DLGAP1: variants seen among roughly 807,000 people sequenced by gnomAD.
DLGAP1 encodes the protein DLG associated protein 1.
DLGAP1 carries 11 observed loss-of-function variants against 90.8 expected under a neutral mutation model. The observed-to-expected ratio is 0.12, with a 90% CI of 0.08 to 0.20. The LOEUF is 0.20. Among genes scored for constraint, DLGAP1 ranks in the 10% least tolerant of loss-of-function variants. The pLI is 1.00. For missense variants in DLGAP1, 1,050 were observed against 1,333.8 expected, an observed-to-expected ratio of 0.79 and a Z score of 3.31; for synonymous variants, 558 against 540.7, an observed-to-expected ratio of 1.03 and a Z score of -0.44.
At chr18:4,284,717 C>G (rs774547925) in intron 1 of DLGAP1, among the ~76,000 whole-genome samples, 1 of 152,110 alleles carries the variant, frequency 6.6e-6, no homozygotes, top group Non-Finnish European at 1.5e-5. Flanking sequence ...TCTGGAGTGC[C>G]GCCTTCACAG....
At chr18:4,320,271 C>G (rs7235361) in intron 1 of DLGAP1, among the ~76,000 whole-genome samples, 33,113 of 152,028 alleles carry the variant, frequency 0.22, 3,720 homozygotes, top group African/African-American at 0.28. Context: ...CATAACAACT[C>G]CAAATATGGA....
chr18:4,393,457 G>A (rs1417983228), intron 1 of DLGAP1, among the ~76,000 whole-genome samples: 1 of 152,130 alleles, frequency 6.6e-6, no homozygotes, highest in Non-Finnish European at 1.5e-5. Context: ...TCAGATGGTT[G>A]ATTCTTTGTC....
intron 3 of DLGAP1, among the ~76,000 whole-genome samples, chr18:3,881,548 G>A (rs1444813646): frequency 6.6e-6 from 1 of 152,032 alleles, no homozygotes; most frequent in Non-Finnish European, 1.5e-5. Context: ...TATGTACCCC[G>A]ACCTAGTGTC....
chr18:3,794,887 C>T (rs1013266112), intron 5 of DLGAP1, among the ~76,000 whole-genome samples: 1 of 152,214 alleles, frequency 6.6e-6, no homozygotes, highest in East Asian at 1.9e-4. Flanking sequence ...CGCACCACGC[C>T]TGACTTCTGC....
intron 1 of DLGAP1, among the ~76,000 whole-genome samples, chr18:4,252,162 C>G (rs1309617203): frequency 2.0e-5 from 3 of 152,180 alleles, no homozygotes; most frequent in Admixed American, 1.3e-4. Context: ...GAGGCAACAC[C>G]TTCATGGAGG....
At chr18:4,056,997 CCATA>C (rs1228227825) in intron 2 of DLGAP1, among the ~76,000 whole-genome samples, 45 of 122,694 alleles carry the variant, frequency 3.7e-4, no homozygotes, top group Non-Finnish European at 5.1e-4. Flanking sequence ...TAGCAACTGA[CCATA>C]CATACACACA....
At chr18:4,048,281 C>T (rs1234815724) in intron 2 of DLGAP1, among the ~76,000 whole-genome samples, 2 of 152,150 alleles carry the variant, frequency 1.3e-5, no homozygotes, top group Admixed American at 6.5e-5. Flanking sequence ...TGTAATTGCT[C>T]ATATTTAAGA....
chr18:3,536,987 G>A (rs1032477414), intron 9 of DLGAP1, among the ~76,000 whole-genome samples: 1 of 152,052 alleles, frequency 6.6e-6, no homozygotes, highest in Non-Finnish European at 1.5e-5. Context: ...CGGAATATAA[G>A]TCCACTGAAG....
chr18:4,141,989 A>G (rs796079544), intron 2 of DLGAP1, among the ~76,000 whole-genome samples: 28 of 152,178 alleles, frequency 1.8e-4, no homozygotes, highest in African/African-American at 5.5e-4. Context: ...TATTTAGTTC[A>G]TTCAGTGCTG....
intron 1 of DLGAP1, among the ~76,000 whole-genome samples, chr18:4,174,455 C>A (rs896563096): frequency 1.4e-4 from 22 of 152,266 alleles, no homozygotes; most frequent in Admixed American, 1.2e-3. Context: ...CTGCCTCAGT[C>A]TCCCAAGTAG....
At chr18:3,903,328 C>T (rs1411832517) in intron 3 of DLGAP1, among the ~76,000 whole-genome samples, 1 of 152,108 alleles carries the variant, frequency 6.6e-6, no homozygotes, top group Non-Finnish European at 1.5e-5. Flanking sequence ...ATCACAGAAA[C>T]CTACCTCCTT....
At chr18:3,529,533 C>T (rs2051856492) in intron 10 of DLGAP1, among the ~76,000 whole-genome samples, 1 of 152,046 alleles carries the variant, frequency 6.6e-6, no homozygotes, top group South Asian at 2.1e-4. Flanking sequence ...AACAGAATTT[C>T]CAGAATATTT....
At chr18:4,193,370 T>C (rs1230550260) in intron 1 of DLGAP1, among the ~76,000 whole-genome samples, 1 of 152,192 alleles carries the variant, frequency 6.6e-6, no homozygotes, top group Non-Finnish European at 1.5e-5. Context: ...GTTAATAATT[T>C]ATGACACTTC....
intron 3 of DLGAP1, among the ~76,000 whole-genome samples, chr18:3,907,370 C>A (rs928858429): frequency 6.6e-6 from 1 of 152,198 alleles, no homozygotes; most frequent in African/African-American, 2.4e-5. Context: ...ATGACTGGTG[C>A]TACCAGAAGG....
intron 3 of DLGAP1, among the ~76,000 whole-genome samples, chr18:3,899,906 A>G (rs907142696): frequency 4.6e-5 from 7 of 152,236 alleles, no homozygotes; most frequent in Admixed American, 1.3e-4. Context: ...TGTTAGAATT[A>G]GGTAACTTAA....
chr18:3,643,321 T>C (rs778193737), intron 7 of DLGAP1, among the ~76,000 whole-genome samples: 4 of 152,016 alleles, frequency 2.6e-5, no homozygotes, highest in Non-Finnish European at 5.9e-5. Flanking sequence ...TTCTCTCTAA[T>C]ATATAACTCC....
At chr18:4,196,330 A>C (rs1334181054) in intron 1 of DLGAP1, among the ~76,000 whole-genome samples, 2 of 152,230 alleles carry the variant, frequency 1.3e-5, no homozygotes, top group African/African-American at 2.4e-5. Context: ...GCTTCCATGA[A>C]CACTATGTTT....
chr18:3,621,979 C>T (rs1032267220), intron 7 of DLGAP1, among the ~76,000 whole-genome samples: 5 of 152,004 alleles, frequency 3.3e-5, no homozygotes, highest in Admixed American at 6.6e-5. Context: ...AAAATAAATA[C>T]ATAAGTTAAA....
chr18:3,915,291 C>A (rs920769847), intron 3 of DLGAP1, among the ~76,000 whole-genome samples: 1 of 152,118 alleles, frequency 6.6e-6, no homozygotes, highest in African/African-American at 2.4e-5. Context: ...TTAATAAGCT[C>A]AGCTGTGACA....
Sources: allele counts gnomAD v4.1 joint callset (sites outside exome capture counted in the v4.1 genomes callset), GRCh38; gene constraint gnomAD v4.1.1; transcripts MANE v1.5; gene names NCBI Gene and HGNC (gene_info 2026-07-23, HGNC 2026-07-21).